Variants in STRADA observed in about 807,000 individuals in gnomAD.
The protein encoded by STRADA is STE20 related adaptor alpha.
In STRADA, 26 loss-of-function variants were observed where a neutral mutation model predicts 55.0. The ratio of observed to expected loss-of-function variants is 0.47; its 90% CI spans 0.35 to 0.66. STRADA has a LOEUF of 0.66. Among genes scored for constraint, STRADA ranks in the 30% least tolerant of loss-of-function variants. The pLI, the probability that STRADA is intolerant of heterozygous loss-of-function variation, is 0.01. For synonymous variants in STRADA, 197 were observed against 210.9 expected, an observed-to-expected ratio of 0.93 and a Z score of 0.57; for missense variants, 443 against 549.7, an observed-to-expected ratio of 0.81 and a Z score of 1.94.
chr17:63,727,927 T>C (rs555329561), intron 2 of STRADA: 5 of 156,438 alleles, frequency 3.2e-5, no homozygotes, highest in Admixed American at 1.9e-4. Flanking sequence ...ATGTTCAAAA[T>C]GTCTTCAATT....
intron 11 of STRADA, 144 bp from the exon 12 acceptor site, chr17:63,704,191 C>A: frequency 6.6e-7 from 1 of 1,520,720 alleles, no homozygotes; most frequent in Non-Finnish European, 8.8e-7. Context: ...CCCAGGCTGG[C>A]CTCTGACACA....
chr17:63,712,708 G>A (rs1480252843), intron 6 of STRADA, among the ~76,000 whole-genome samples: 5 of 149,880 alleles, frequency 3.3e-5, no homozygotes, highest in African/African-American at 7.4e-5. Context: ...ACCCTGTCTC[G>A]AAAAAAAAGA....
intron 2 of STRADA, 153 bp from the exon 3 acceptor site, chr17:63,726,848 A>C (rs1049395678): frequency 3.0e-6 from 2 of 676,844 alleles, no homozygotes; most frequent in Admixed American, 3.1e-5. Context: ...TTTTAACAGA[A>C]TCTTGAACTA....
chr17:63,712,857 C>T lies in STRADA; in HGVS notation c.348+549G>A, dbSNP rs897011295. Among the ~76,000 whole-genome samples the T allele has an allele frequency of 2.0e-5, 3 of 150,534 alleles. No homozygotes were observed. The East Asian group carries it at 5.9e-4, about 30-fold the overall frequency. On this transcript the variant is annotated intron_variant, in intron 6 of 12. Coordinates refer to ENST00000336174, the MANE Select transcript of STRADA (RefSeq NM_001003787.4). ...CTTTTCTAAAAATACAAAAGTTAGC[C>T]GGGCATGGTGGTGTGCGCCTATAGT...
intron 1 of STRADA, among the ~76,000 whole-genome samples, chr17:63,731,169 C>A (rs2038019502): frequency 6.6e-6 from 1 of 151,934 alleles, no homozygotes; most frequent in Non-Finnish European, 1.5e-5. Flanking sequence ...GTCTCGATCT[C>A]CTGACCTCGT....
chr17:63,727,543 A>G (rs1390104588), intron 2 of STRADA: 1 of 152,252 alleles, frequency 6.6e-6, no homozygotes, highest in Non-Finnish European at 1.5e-5. Context: ...AGTAACATTC[A>G]GAAATAAGTT....
At chr17:63,717,962 C>A (rs1321957345) in intron 4 of STRADA, among the ~76,000 whole-genome samples, 1 of 151,142 alleles carries the variant, frequency 6.6e-6, no homozygotes, top group Non-Finnish European at 1.5e-5. Flanking sequence ...TTGAGATAGG[C>A]TCTCAATATG....
intron 1 of STRADA, among the ~76,000 whole-genome samples, chr17:63,733,967 GTT>G (rs1306352983): frequency 1.3e-5 from 2 of 152,144 alleles, no homozygotes; most frequent in African/African-American, 4.8e-5. Flanking sequence ...CCCTTTGCTG[GTT>G]TTTCTTTGTA....
At chr17:63,727,384 C>A (rs1403819545) in intron 2 of STRADA, 1 of 152,302 alleles carries the variant, frequency 6.6e-6, no homozygotes, top group Non-Finnish European at 1.5e-5. Context: ...CCCTTAAGGA[C>A]TGGTGTTACA....
At chr17:63,731,479 T>C (rs1406617671) in intron 1 of STRADA, among the ~76,000 whole-genome samples, 1 of 151,710 alleles carries the variant, frequency 6.6e-6, no homozygotes. Flanking sequence ...TTGGCCAAGA[T>C]GATCTCGATC....
Position 63,703,512 on chromosome 17 carries a change from G to T in STRADA, c.*87C>A. The T allele has an allele frequency of 7.7e-7, 1 of 1,295,510 alleles. No individual in the cohort carries two copies. Among genetic ancestry groups the T allele is most frequent in the South Asian group, 1.4e-5 (1 of 69,700 alleles). The allele number at this position is 1,295,510 out of a possible 1,614,324, so 80.3% of individuals were successfully genotyped here. ...TGTCCTTTCTACCCAATCTGCCCAG[G>T]AGGGCGGGAATGTGGCCGGCCCTCA... On this transcript the variant is annotated 3_prime_UTR_variant, in exon 13 of 13. Coordinates refer to ENST00000336174, the MANE Select transcript of STRADA (RefSeq NM_001003787.4).
At chr17:63,718,429 C>G (rs2037054130) in intron 4 of STRADA, among the ~76,000 whole-genome samples, 1 of 152,214 alleles carries the variant, frequency 6.6e-6, no homozygotes, top group South Asian at 2.1e-4. Flanking sequence ...CTCATTTGGT[C>G]TTGAAGTGTC....
chr17:63,721,139 C>G (rs1379066394), intron 4 of STRADA, among the ~76,000 whole-genome samples: 1 of 149,080 alleles, frequency 6.7e-6, no homozygotes. Context: ...TTTGGAAGGC[C>G]GAGGCAGGCG....
chr17:63,720,984 T>C (rs2037271048), intron 4 of STRADA, among the ~76,000 whole-genome samples: 1 of 151,516 alleles, frequency 6.6e-6, no homozygotes, highest in Non-Finnish European at 1.5e-5. Context: ...TAATCCCAGC[T>C]ACTTGGGAGG....
intron 1 of STRADA, among the ~76,000 whole-genome samples, chr17:63,731,323 C>T (rs920558983): frequency 8.4e-5 from 11 of 131,286 alleles, no homozygotes; most frequent in Admixed American, 4.4e-4. Context: ...AGTGCAGTGG[C>T]GTGATCTCAG....
rs1020534942 is a variant in STRADA at position 63,716,487 on chromosome 17, C to T, written c.124-2379G>A. ...AGTCTCATGGATTTGATTTACATTT[C>T]CCTGATTACTAATGAAGATGAGGAT... On this transcript the variant is annotated intron_variant, in intron 4 of 12. Transcript: ENST00000336174. Among the ~76,000 whole-genome samples the T allele has an allele frequency of 7.2e-5, 11 of 152,186 alleles. No homozygotes were observed. In the South Asian group the frequency reaches 1.7e-3, roughly 23 times the overall value.
In STRADA at chr17:63,703,708, G is replaced by A. The variant is rs2035865644; in HGVS notation, c.1187C>T (p.Pro396Leu). The A allele has an allele frequency of 1.9e-6, 3 of 1,614,222 alleles. No individual in the cohort carries two copies. Among genetic ancestry groups the A allele is most frequent in the African/African-American group, 2.7e-5 (2 of 75,058 alleles). Reference protein sequence around the residue: ...ASEALPELLRPVTPITNFEGS... With the variant: ...ASEALPELLRLVTPITNFEGS... ...CTCAAAATTGGTGATGGGGGTGACA[G>A]GACGAAGCAATTCGGGCAAAGCCTC... Residue 396 changes from proline (P) to leucine (L), a missense_variant, in exon 13 of 13, where the codon CCT (proline) becomes CTT (leucine). Coordinates refer to ENST00000336174, the MANE Select transcript of STRADA (RefSeq NM_001003787.4).
intron 4 of STRADA, among the ~76,000 whole-genome samples, chr17:63,717,420 G>A (rs2143983391): frequency 6.6e-6 from 1 of 152,196 alleles, no homozygotes; most frequent in Middle Eastern, 3.4e-3. Context: ...CGATTCTCCT[G>A]CCTCAGCCTT....
chr17:63,727,524 A>G (rs2037741488), intron 2 of STRADA: 1 of 152,250 alleles, frequency 6.6e-6, no homozygotes, highest in Non-Finnish European at 1.5e-5. Context: ...AACATTAGAA[A>G]AAAGATTAAG....
Sources: allele counts gnomAD v4.1 joint callset (sites outside exome capture counted in the v4.1 genomes callset), GRCh38; gene constraint gnomAD v4.1.1; transcripts MANE v1.5; gene names NCBI Gene and HGNC (gene_info 2026-07-23, HGNC 2026-07-21).